MAML1: variants seen among roughly 807,000 people sequenced by gnomAD.
MAML1 encodes the protein mastermind-like protein 1.
MAML1 carries 14 observed loss-of-function variants against 77.1 expected under a neutral mutation model. The ratio of observed to expected loss-of-function variants is 0.18; its 90% CI spans 0.12 to 0.28. The LOEUF is 0.28. MAML1 is among the 10% of genes least tolerant of loss of function. The pLI, the probability that MAML1 is intolerant of heterozygous loss-of-function variation, is 1.00. For missense variants in MAML1, 1,217 were observed against 1,327.8 expected, an observed-to-expected ratio of 0.92 and a Z score of 1.30; for synonymous variants, 516 against 551.9, an observed-to-expected ratio of 0.93 and a Z score of 0.91.
intron 1 of MAML1, among the ~76,000 whole-genome samples, chr5:179,742,177 A>G (rs1162530997): frequency 6.6e-6 from 1 of 150,818 alleles, no homozygotes; most frequent in Non-Finnish European, 1.5e-5. Flanking sequence ...CTGGCCAACA[A>G]ACTTAATTTG....
intron 1 of MAML1, among the ~76,000 whole-genome samples, chr5:179,753,657 T>TTA (rs1562560494): frequency 3.1e-3 from 224 of 73,412 alleles, no homozygotes; most frequent in South Asian, 4.7e-3. Flanking sequence ...TATTATTATT[T>TTA]TTTTTTTTTT....
Position 179,766,139 on chromosome 5 carries a change from C to T in MAML1, c.1129C>T (p.Leu377Phe). The change falls in exon 2 of 5, where the codon CTT becomes TTT. Residue 377 changes from leucine (L) to phenylalanine (F), a missense_variant. Around this residue, in one of 3 missense-constraint regions of MAML1, gnomAD observed 884 missense variants for 949.3 expected, o/e 0.93. Coordinates refer to ENST00000292599, the MANE Select transcript of MAML1 (RefSeq NM_014757.5). The surrounding 1 kb of genome is among the most constrained non-coding windows in gnomAD (Gnocchi z 4.0). The part of the protein sequence containing the change: ...SAQAQNAQRA[L>F]AGVVLPSQGP... ...CCAGGCCCAGAACGCACAAAGAGCCCTTGCAGGTGTGGTATTGCCCAGTCA... is the reference window on the plus strand; with the variant it reads ...CCAGGCCCAGAACGCACAAAGAGCCTTTGCAGGTGTGGTATTGCCCAGTCA... 1 of 1,574,380 alleles carries T rather than the reference C, an allele frequency of 6.4e-7. No homozygotes were observed. Among genetic ancestry groups the T allele is most frequent in the Non-Finnish European group, 8.6e-7 (1 of 1,161,754 alleles).
At chr5:179,753,215 GTGTGTGTGC>G (rs1779535752) in intron 1 of MAML1, among the ~76,000 whole-genome samples, 1 of 68,984 alleles carries the variant, frequency 1.4e-5, no homozygotes, top group Admixed American at 1.6e-4. Context: ...GTGTGTGTGT[GTGTGTGTGC>G]GCGCGCGCGC....
At chr5:179,751,125 C>G (rs1012300930) in intron 1 of MAML1, among the ~76,000 whole-genome samples, 2 of 152,130 alleles carry the variant, frequency 1.3e-5, no homozygotes, top group African/African-American at 4.8e-5. Context: ...AGGCGCACAC[C>G]ACGATGCGTA....
chr5:179,751,132 C>T (rs906570790), intron 1 of MAML1, among the ~76,000 whole-genome samples: 3 of 152,080 alleles, frequency 2.0e-5, no homozygotes, highest in Admixed American at 6.6e-5. Flanking sequence ...CACCACGATG[C>T]GTAGCTAATT....
chr5:179,766,710 T>C lies in MAML1; in HGVS notation c.1700T>C (p.Met567Thr), dbSNP rs139205961. Residue 567 changes from methionine (M) to threonine (T), a missense_variant, in exon 2 of 5, where the codon ATG becomes ACG. By Grantham distance (81) the Met-to-Thr change is moderately conservative. This residue lies in a region of MAML1 where 884 missense variants were observed against 949.3 expected (regional missense o/e 0.93). Coordinates refer to ENST00000292599, the MANE Select transcript of MAML1 (RefSeq NM_014757.5). This position sits in a 1 kb window ranked among gnomAD's most constrained non-coding sequence, Gnocchi z 4.0. ...CTGATGAAGCCAAAGCCAGGAAATA[T>C]GCCTTTCCGATCACTGGTTCCACCT... ...LFLMKPKPGN[M>T]PFRSLVPPGQ... 27 of 1,566,100 alleles carry C rather than the reference T, an allele frequency of 1.7e-5. No individual in the cohort carries two copies. Among genetic ancestry groups the C allele is most frequent in the Middle Eastern group, 1.7e-4 (1 of 5,878 alleles).
intron 1 of MAML1, among the ~76,000 whole-genome samples, chr5:179,749,414 C>T (rs1779444088): frequency 6.6e-6 from 1 of 152,032 alleles, no homozygotes; most frequent in South Asian, 2.1e-4. Flanking sequence ...ACGTGAGCCA[C>T]CGCACCCAGC....
At chr5:179,743,823 C>G (rs1779328397) in intron 1 of MAML1, among the ~76,000 whole-genome samples, 1 of 151,878 alleles carries the variant, frequency 6.6e-6, no homozygotes, top group South Asian at 2.1e-4. Context: ...ATTTAGGTAA[C>G]AGTCTTATAA....
rs193235726 is a variant in MAML1 at position 179,776,438 on chromosome 5, C to T, written c.*1561C>T. 4.3e-4 allele frequency: 427 copies of T among 985,842 alleles called. 1 individual carries two copies. Among genetic ancestry groups the T allele is most frequent in the Admixed American group, 8.0e-4 (13 of 16,286 alleles). The allele number at this position is 985,842 out of a possible 1,614,324, so 61.1% of individuals were successfully genotyped here. ...CTTTCTCACTGGGGGTACTTGGACC[C>T]TCAGATCTTCTTTTCTAATAGCCAT... On this transcript the variant is annotated 3_prime_UTR_variant, in exon 5 of 5. Transcript: ENST00000292599.
chr5:179,768,346 A>C (rs552323916), intron 2 of MAML1, among the ~76,000 whole-genome samples: 78 of 152,228 alleles, frequency 5.1e-4, no homozygotes, highest in Non-Finnish European at 8.2e-4. Flanking sequence ...AATCCCAGCT[A>C]CTCAGGAGGC....
intron 2 of MAML1, among the ~76,000 whole-genome samples, chr5:179,768,648 T>A (rs1779865498): frequency 6.6e-6 from 1 of 152,022 alleles, no homozygotes; most frequent in Non-Finnish European, 1.5e-5. Flanking sequence ...ACCTATGGAG[T>A]AATTGTTCGT....
At position 179,773,913 on chromosome 5, in the gene MAML1, C is replaced by G; in HGVS notation, c.2087C>G (p.Pro696Arg). The G allele has an allele frequency of 1.2e-6, 2 of 1,613,290 alleles. No individual in the cohort carries two copies. Among genetic ancestry groups the G allele is most frequent in the Non-Finnish European group, 1.7e-6 (2 of 1,179,296 alleles). The change falls in exon 5 of 5, where the codon CCC becomes CGC. Residue 696 changes from proline (P) to arginine (R), a missense_variant. Physicochemically the swap from Pro to Arg is moderately radical, Grantham distance 103. This residue lies in a region of MAML1 where 884 missense variants were observed against 949.3 expected (regional missense o/e 0.93). Coordinates refer to ENST00000292599, the MANE Select transcript of MAML1 (RefSeq NM_014757.5). ...CTTGTAGGGTCCTCTGCTGCCGTGCCCGGCATGAACACCTTGGGTCCATCC... is the reference window on the plus strand; with the variant it reads ...CTTGTAGGGTCCTCTGCTGCCGTGCGCGGCATGAACACCTTGGGTCCATCC... The part of the protein sequence containing the change: ...GQFTGSSAAV[P>R]GMNTLGPSNS...
chr5:179,770,567 C>G (rs950672130), intron 3 of MAML1, among the ~76,000 whole-genome samples: 1 of 152,172 alleles, frequency 6.6e-6, no homozygotes, highest in African/African-American at 2.4e-5. Context: ...GGACATGTTA[C>G]ATTTTATTCA....
rs773349209 is a variant in MAML1, at chr5:179,733,400, C to T, written c.288C>T (p.Asp96=). 3.5e-5 allele frequency: 40 copies of T among 1,151,756 alleles called. No homozygotes were observed. In the East Asian group the frequency reaches 4.1e-4, roughly 12 times the overall value. The allele number at this position is 1,151,756 out of a possible 1,614,324, so 71.3% of individuals were successfully genotyped here. Residue 96 remains aspartate, a synonymous_variant, in exon 1 of 5, where the codon GAC becomes GAT. Coordinates refer to ENST00000292599, the MANE Select transcript of MAML1 (RefSeq NM_014757.5). ...CGGCCCCGCGCCTGGACGCCGCTGA[C>T]GGCCCCGAGCACGGCCGCCCGGCCA... ...AAPAPRLDAA[D]GPEHGRPATH...
intron 1 of MAML1, among the ~76,000 whole-genome samples, chr5:179,754,452 A>AG (rs930742878): frequency 1.3e-5 from 2 of 152,006 alleles, no homozygotes; most frequent in African/African-American, 4.8e-5. Flanking sequence ...AAATTAGCTG[A>AG]GTATGGTGGC....
At chr5:179,743,435 C>T (rs553436400) in intron 1 of MAML1, among the ~76,000 whole-genome samples, 52 of 135,214 alleles carry the variant, frequency 3.8e-4, no homozygotes, top group African/African-American at 1.4e-3. Context: ...GGTGTGATCT[C>T]GGCTCACTGC....
Position 179,762,055 on chromosome 5 carries a change from T to C in MAML1, c.316-3271T>C, listed in dbSNP as rs1481234715. On this transcript the variant is annotated intron_variant, in intron 1 of 4. Transcript: ENST00000292599. ...GCTAGAAAGGGGCATTGGCTGCCAGTGTGTAAGGAGCACTCATGAAAGAAC... is the reference window on the plus strand; with the variant it reads ...GCTAGAAAGGGGCATTGGCTGCCAGCGTGTAAGGAGCACTCATGAAAGAAC... 2.6e-5 allele frequency among the ~76,000 whole-genome samples: 4 copies of C among 152,128 alleles called. No homozygotes were observed. In the South Asian group the frequency reaches 6.2e-4, roughly 24 times the overall value.
At chr5:179,750,465 T>TC (rs1319805500) in intron 1 of MAML1, among the ~76,000 whole-genome samples, 3 of 149,836 alleles carry the variant, frequency 2.0e-5, no homozygotes, top group Non-Finnish European at 4.5e-5. Flanking sequence ...CTCAATAGAT[T>TC]TTTTTGTTTT....
chr5:179,766,858 C>T lies in MAML1; in HGVS notation c.1731+117C>T. The T allele has an allele frequency of 1.3e-6, 1 of 763,142 alleles. No homozygotes were observed. The highest frequency in any genetic ancestry group is 2.0e-6 in the Non-Finnish European group (1 of 501,766). 47.3% of individuals were successfully genotyped at this position (763,142 alleles called of 1,614,324 possible). ...TGTGGGAAGAGGGAGGAGGGAATAG[C>T]TGCTGTCATCCTTGCTCCTCTTGGG... On this transcript the variant is annotated intron_variant, in intron 2 of 4. Coordinates refer to ENST00000292599, the MANE Select transcript of MAML1 (RefSeq NM_014757.5). The surrounding 1 kb of genome is among the most constrained non-coding windows in gnomAD (Gnocchi z 4.0).
Sources: allele counts gnomAD v4.1 joint callset (sites outside exome capture counted in the v4.1 genomes callset), GRCh38; gene constraint gnomAD v4.1.1; regional missense constraint gnomAD v4.1.1; non-coding constraint Gnocchi (gnomAD v3.1); transcripts MANE v1.5; gene names NCBI Gene and HGNC (gene_info 2026-07-23, HGNC 2026-07-21).